Variants in CCDC136 observed in about 807,000 individuals in gnomAD.
CCDC136 encodes coiled-coil domain-containing protein 136.
CCDC136 carries 100 observed loss-of-function variants against 141.2 expected under a neutral mutation model. The ratio of observed to expected loss-of-function variants is 0.71; its 90% CI spans 0.60 to 0.84. The LOEUF is 0.84. CCDC136 is among the 40% of genes least tolerant of loss of function. CCDC136 has a pLI of 0.00. For missense variants in CCDC136, 1,206 were observed against 1,379.4 expected, an observed-to-expected ratio of 0.87 and a Z score of 1.99; for synonymous variants, 474 against 531.9, an observed-to-expected ratio of 0.89 and a Z score of 1.50.
At chr7:128,806,181 G>C in intron 7 of CCDC136, 56 bp from the exon 8 acceptor site, 2 of 1,451,972 alleles carry the variant, frequency 1.4e-6, no homozygotes, top group Non-Finnish European at 1.9e-6. Context: ...CTGATCCGTA[G>C]AAAGACCTGC....
intron 11 of CCDC136, 148 bp from the exon 12 acceptor site, chr7:128,809,991 G>A: frequency 3.3e-6 from 2 of 609,290 alleles, no homozygotes; most frequent in Non-Finnish European, 5.8e-6. Context: ...TCCATAGAAG[G>A]GCTCCCCCGT....
chr7:128,821,332 G>A lies in CCDC136; in HGVS notation c.*6-467G>A, dbSNP rs1442675240. Among the ~76,000 whole-genome samples, 2 of 152,124 alleles carry A rather than the reference G, an allele frequency of 1.3e-5. No homozygotes were observed. Among genetic ancestry groups the A allele is most frequent in the Non-Finnish European group, 2.9e-5 (2 of 68,022 alleles). On this transcript the variant is annotated intron_variant, in intron 17 of 17. Transcript: ENST00000297788. This position sits in a 1 kb window ranked among gnomAD's most constrained non-coding sequence, Gnocchi z 5.1. ...AGAACCTCCTACTTACCTGCACTCCGTGGTGCACTTTCTTCATTTCCCCTC... is the reference window on the plus strand; with the variant it reads ...AGAACCTCCTACTTACCTGCACTCCATGGTGCACTTTCTTCATTTCCCCTC...
chr7:128,815,325 C>A (rs1007068885), intron 15 of CCDC136, among the ~76,000 whole-genome samples: 11 of 152,186 alleles, frequency 7.2e-5, no homozygotes, highest in African/African-American at 2.4e-4. Flanking sequence ...AAAGAAGAGT[C>A]ACTGTAGGGG....
Position 128,812,053 on chromosome 7 carries a change from C to CT in CCDC136, c.2284dup (p.Tyr762LeufsTer2). The CT allele has an allele frequency of 6.2e-7, 1 of 1,614,010 alleles. No homozygotes were observed. The highest frequency in any genetic ancestry group is 8.5e-7 in the Non-Finnish European group (1 of 1,179,884). On this transcript the variant is annotated frameshift_variant, in exon 13 of 18. Transcript: ENST00000297788. LOFTEE classifies it high-confidence loss of function. ...CCCAGCAATGAGAACTGTCGCAAGA[C>CT]TTATGATACCACTGTGGATGACAAT...
intron 3 of CCDC136, among the ~76,000 whole-genome samples, chr7:128,798,991 G>T (rs1220112472): frequency 6.6e-6 from 1 of 151,802 alleles, no homozygotes; most frequent in Non-Finnish European, 1.5e-5. Flanking sequence ...TATGAAGCGT[G>T]TCCAAATTTG....
chr7:128,791,934 T>A, upstream of CCDC136: 1 of 739,882 alleles, frequency 1.4e-6, no homozygotes, highest in Non-Finnish European at 1.8e-6. This position sits in a 1 kb window ranked among gnomAD's most constrained non-coding sequence, Gnocchi z 7.1. Flanking sequence ...GTCGCAGCCC[T>A]ACCCCTTCCC....
intron 3 of CCDC136, 150 bp from the exon 4 acceptor site, chr7:128,801,036 G>C: frequency 1.7e-6 from 1 of 603,066 alleles, no homozygotes; most frequent in East Asian, 2.8e-5. Context: ...TATTCCGTCC[G>C]GCATGATGCT....
In CCDC136 at chr7:128,810,373, A is replaced by G; in HGVS notation, c.2028+7A>G. The G allele has an allele frequency of 1.3e-6, 2 of 1,596,238 alleles. No individual in the cohort carries two copies. The highest frequency in any genetic ancestry group is 1.7e-6 in the Non-Finnish European group (2 of 1,164,978). On this transcript the variant is annotated splice_region_variant and intron_variant, in intron 12 of 17. Transcript: ENST00000297788. ...CAAATGTAATCGAAACAAGGTAACC[A>G]TAGCAAGAGGTAGGGAGACAGTTCT...
intron 3 of CCDC136, among the ~76,000 whole-genome samples, chr7:128,796,739 A>ATATATATATATATATATATATATATAT: frequency 1.8e-5 from 2 of 113,376 alleles, no homozygotes; most frequent in African/African-American, 4.6e-5. Flanking sequence ...ATATATATAT[A>ATATATATATATATATATATATATATAT]TTCTTTTTTT....
upstream of CCDC136, chr7:128,791,616 C>G (rs920532618): frequency 6.6e-6 from 7 of 1,053,678 alleles, no homozygotes; most frequent in African/African-American, 1.6e-5. This position sits in a 1 kb window ranked among gnomAD's most constrained non-coding sequence, Gnocchi z 7.1. Flanking sequence ...CCTCCTCCTT[C>G]CAGACCCCCA....
chr7:128,802,656 C>G (rs1428992475), intron 4 of CCDC136, among the ~76,000 whole-genome samples: 5 of 152,172 alleles, frequency 3.3e-5, no homozygotes, highest in Non-Finnish European at 7.3e-5. Flanking sequence ...TCCAAGTAAA[C>G]TATGGAGTTT....
At position 128,815,965 on chromosome 7, in the gene CCDC136, G is replaced by A. The variant is rs767475504; in HGVS notation, c.3363+34G>A. The A allele has an allele frequency of 4.4e-6, 7 of 1,579,020 alleles. No individual in the cohort carries two copies. The African/African-American group carries it at 5.4e-5, about 12-fold the overall frequency. On this transcript the variant is annotated intron_variant, in intron 16 of 17. Coordinates refer to ENST00000297788, the MANE Select transcript of CCDC136 (RefSeq NM_022742.5). ...AGCCAAAGCCTAGATCAAGTGGGAA[G>A]TGGGGTCTTGGGCTCAGATAACTCC...
Position 128,805,429 on chromosome 7 carries a change from T to G in CCDC136, c.853T>G (p.Ser285Ala). The G allele has an allele frequency of 6.2e-7, 1 of 1,613,986 alleles. No individual in the cohort carries two copies. The highest frequency in any genetic ancestry group is 8.5e-7 in the Non-Finnish European group (1 of 1,179,874). The change falls in exon 6 of 18, where the codon TCA becomes GCA. Residue 285 changes from serine to alanine, a missense_variant. Coordinates refer to ENST00000297788, the MANE Select transcript of CCDC136 (RefSeq NM_022742.5). This position sits in a 1 kb window ranked among gnomAD's most constrained non-coding sequence, Gnocchi z 4.6. ...LSMTSAESQT[S>A]EMDFLEPDPE... The stretch of plus-strand genomic sequence containing the variant: ...TATGACGTCAGCAGAGTCTCAGACT[T>G]CAGAAATGGATTTCTTAGAGCCTGA...
At chr7:128,810,951 G>A (rs1213874226) in intron 12 of CCDC136, among the ~76,000 whole-genome samples, 2 of 152,182 alleles carry the variant, frequency 1.3e-5, no homozygotes, top group African/African-American at 2.4e-5. Context: ...CCAGAAAATT[G>A]ATGCCTCTCA....
chr7:128,809,448 AGT>A lies in CCDC136; in HGVS notation c.1608_1609del (p.Cys536Ter), dbSNP rs1279263825. The A allele has an allele frequency of 1.7e-6, 2 of 1,168,076 alleles. No individual in the cohort carries two copies. The highest frequency in any genetic ancestry group is 2.4e-6 in the Non-Finnish European group (2 of 848,832). 72.4% of individuals were successfully genotyped at this position (1,168,076 alleles called of 1,614,324 possible). A position where few individuals can be genotyped will look rare whatever the true frequency, so the allele number is the denominator to read the frequency against. ...CCCCTCCACACCCGCCCCCACCCAC[AGT>A]GTGACACACTGCTGTCCAGACTGAC... On this transcript the variant is annotated splice_acceptor_variant and coding_sequence_variant, in exon 11 of 18. Coordinates refer to ENST00000297788, the MANE Select transcript of CCDC136 (RefSeq NM_022742.5). LOFTEE classifies it high-confidence loss of function.
In CCDC136 at chr7:128,821,685, G is replaced by C. The variant is rs1322281225; in HGVS notation, c.*6-114G>C. On this transcript the variant is annotated intron_variant, in intron 17 of 17. Coordinates refer to ENST00000297788, the MANE Select transcript of CCDC136 (RefSeq NM_022742.5). The surrounding 1 kb of genome is among the most constrained non-coding windows in gnomAD (Gnocchi z 5.1). Reference sequence around the variant, plus strand: ...TCCACCGGTTACCCAGGAGGTAACAGAGACTGATCCACAATGTTCCTGAGG... The same window carrying C: ...TCCACCGGTTACCCAGGAGGTAACACAGACTGATCCACAATGTTCCTGAGG... 1.3e-6 allele frequency: 1 copy of C among 756,666 alleles called. No individual in the cohort carries two copies. Among genetic ancestry groups the C allele is most frequent in the Non-Finnish European group, 1.9e-6 (1 of 517,634 alleles). 46.9% of individuals were successfully genotyped at this position (756,666 alleles called of 1,614,324 possible).
At chr7:128,796,890 C>T (rs1209584425) in intron 3 of CCDC136, among the ~76,000 whole-genome samples, 2 of 149,086 alleles carry the variant, frequency 1.3e-5, no homozygotes, top group East Asian at 3.9e-4. Context: ...TACAGGCGCC[C>T]GCCACTACGC....
intron 3 of CCDC136, among the ~76,000 whole-genome samples, chr7:128,799,641 A>AT (rs11403756): frequency 0.094 from 14,155 of 151,138 alleles, 695 homozygotes; most frequent in East Asian, 0.19. Context: ...GACTTCTCTT[A>AT]TTTTTTTTTG....
In CCDC136 at chr7:128,796,739, A is replaced by ATATATT; in HGVS notation, c.346+1972_346+1973insATATTT. Among the ~76,000 whole-genome samples, 110 of 113,376 alleles carry ATATATT rather than the reference A, an allele frequency of 9.7e-4. 7 individuals are homozygous for ATATATT. The highest frequency in any genetic ancestry group is 4.6e-3 in the African/African-American group (100 of 21,808). 74.4% of individuals were successfully genotyped at this position (113,376 alleles called of 152,430 possible). A position where few individuals can be genotyped will look rare whatever the true frequency, so the allele number is the denominator to read the frequency against. The stretch of plus-strand genomic sequence containing the variant: ...TGATTCAGAATATATATATATATAT[A>ATATATT]TTCTTTTTTTTTTTTTTTTTGAGAC... On this transcript the variant is annotated intron_variant, in intron 3 of 17. Transcript: ENST00000297788.
Sources: gnomAD v4.1 joint callset for allele counts (sites outside exome capture counted in the v4.1 genomes callset) on GRCh38, gnomAD v4.1.1 for gene constraint, Gnocchi (gnomAD v3.1) non-coding constraint, MANE v1.5 for transcripts, NCBI Gene and HGNC (gene_info 2026-07-23, HGNC 2026-07-21) for gene names.